Variants in RAD51B observed in about 807,000 individuals in gnomAD.
RAD51B encodes the protein DNA repair protein RAD51 homolog 2.
RAD51B carries 38 observed loss-of-function variants against 42.2 expected under a neutral mutation model. That is an observed-to-expected ratio of 0.90 (90% CI 0.70 to 1.18). The LOEUF (loss-of-function observed/expected upper bound fraction) is 1.18, where lower values mean the gene tolerates loss of function less well. RAD51B is among the 50% of genes most tolerant of loss of function. The pLI is 0.00. For missense variants in RAD51B, 373 were observed against 400.7 expected, an observed-to-expected ratio of 0.93 and a Z score of 0.59; for synonymous variants, 154 against 145.2, an observed-to-expected ratio of 1.06 and a Z score of -0.43.
chr14:68,021,277 G>T (rs1478014629), intron 7 of RAD51B, among the ~76,000 whole-genome samples: 2 of 152,196 alleles, frequency 1.3e-5, no homozygotes, highest in Non-Finnish European at 2.9e-5. Flanking sequence ...TGCCTCCTGA[G>T]AAATGATGCC....
intron 7 of RAD51B, among the ~76,000 whole-genome samples, chr14:67,937,876 T>C (rs1393607836): frequency 2.0e-5 from 3 of 152,212 alleles, no homozygotes; most frequent in Admixed American, 2.0e-4. Context: ...TCTGGCAAGT[T>C]ACAGGCACAG....
intron 10 of RAD51B, among the ~76,000 whole-genome samples, chr14:68,606,415 G>T (rs1290048083): frequency 6.6e-6 from 1 of 152,194 alleles, no homozygotes; most frequent in Admixed American, 6.5e-5. Flanking sequence ...TGTCCTTGAA[G>T]TTTTCTGGTT....
At chr14:68,409,121 A>G (rs1031238393) in intron 8 of RAD51B, among the ~76,000 whole-genome samples, 4 of 152,242 alleles carry the variant, frequency 2.6e-5, no homozygotes, top group African/African-American at 9.6e-5. Context: ...CTGTGAATAT[A>G]GAAAAAGCTG....
At chr14:68,266,018 C>G (rs1351680385) in intron 7 of RAD51B, among the ~76,000 whole-genome samples, 1 of 152,168 alleles carries the variant, frequency 6.6e-6, no homozygotes, top group African/African-American at 2.4e-5. Context: ...GATGGATGTT[C>G]CCATCAAATT....
intron 7 of RAD51B, among the ~76,000 whole-genome samples, chr14:68,282,198 G>A (rs1367013122): frequency 6.6e-6 from 1 of 152,102 alleles, no homozygotes; most frequent in Non-Finnish European, 1.5e-5. Context: ...GGCCAGGCTG[G>A]TCTTGAACTC....
At chr14:68,550,567 T>G (rs1469945214) in intron 10 of RAD51B, among the ~76,000 whole-genome samples, 1 of 152,270 alleles carries the variant, frequency 6.6e-6, no homozygotes, top group Admixed American at 6.5e-5. Flanking sequence ...GCATTTTGCC[T>G]GTTGGAATGT....
intron 10 of RAD51B, chr14:68,594,446 G>T: frequency 7.4e-7 from 1 of 1,357,542 alleles, no homozygotes; most frequent in African/African-American, 1.5e-5. Flanking sequence ...AGGCAAAAGG[G>T]CCTAGACTTT....
At chr14:68,147,212 T>C (rs1472754454) in intron 7 of RAD51B, among the ~76,000 whole-genome samples, 1 of 152,194 alleles carries the variant, frequency 6.6e-6, no homozygotes, top group Non-Finnish European at 1.5e-5. Context: ...ATAGTTGAAT[T>C]GGATGACACT....
At chr14:68,066,128 A>G (rs1045899699) in intron 7 of RAD51B, among the ~76,000 whole-genome samples, 1 of 152,096 alleles carries the variant, frequency 6.6e-6, no homozygotes, top group African/African-American at 2.4e-5. Context: ...TTATATTTAT[A>G]CAGTATAGTC....
chr14:68,086,242 C>G (rs1312010242), intron 7 of RAD51B, among the ~76,000 whole-genome samples: 1 of 152,186 alleles, frequency 6.6e-6, no homozygotes, highest in Non-Finnish European at 1.5e-5. Context: ...ACTGCCCCAG[C>G]CAAACTCCGC....
At chr14:67,963,980 A>G (rs554367084) in intron 7 of RAD51B, among the ~76,000 whole-genome samples, 1 of 152,106 alleles carries the variant, frequency 6.6e-6, no homozygotes, top group African/African-American at 2.4e-5. Flanking sequence ...ACCAAATTTA[A>G]GTTTTTAAAC....
rs75196096 is a variant in RAD51B at position 68,550,403 on chromosome 14, A to G, written c.1037-44082A>G. Among the ~76,000 whole-genome samples the G allele has an allele frequency of 9.7e-4, 148 of 152,330 alleles. 1 individual carries two copies. Among genetic ancestry groups the G allele is most frequent in the African/African-American group, 3.4e-3 (141 of 41,568 alleles). ...GCGAAACGTCATTGGTTTGGACCAA[A>G]TCCGGTTATGGTCTGAAGAACCTCA... On this transcript the variant is annotated intron_variant, in intron 10 of 10. Transcript: ENST00000487270.
At chr14:67,829,711 A>G (rs2040966788) in intron 3 of RAD51B, among the ~76,000 whole-genome samples, 1 of 152,118 alleles carries the variant, frequency 6.6e-6, no homozygotes, top group Non-Finnish European at 1.5e-5. Flanking sequence ...CTGAATGTCA[A>G]GCATGTATTA....
intron 7 of RAD51B, among the ~76,000 whole-genome samples, chr14:68,129,811 G>A (rs1275759497): frequency 6.6e-6 from 1 of 152,168 alleles, no homozygotes; most frequent in Non-Finnish European, 1.5e-5. Context: ...CCTATCCCCA[G>A]ATGCTTATGG....
chr14:68,566,290 A>G (rs775814002), intron 10 of RAD51B, among the ~76,000 whole-genome samples: 4 of 152,220 alleles, frequency 2.6e-5, no homozygotes, highest in Admixed American at 6.5e-5. Flanking sequence ...ACAAAACCCT[A>G]TCTTCAGCTC....
At chr14:68,320,480 G>A (rs961670985) in intron 8 of RAD51B, among the ~76,000 whole-genome samples, 2 of 152,220 alleles carry the variant, frequency 1.3e-5, no homozygotes, top group Non-Finnish European at 2.9e-5. Context: ...AGCTTACATA[G>A]GAGTCAAATG....
chr14:67,900,680 A>C (rs2043583878), intron 7 of RAD51B, among the ~76,000 whole-genome samples: 1 of 150,780 alleles, frequency 6.6e-6, no homozygotes, highest in South Asian at 2.1e-4. Flanking sequence ...TTACAGTTCT[A>C]AACTAAACTG....
intron 7 of RAD51B, among the ~76,000 whole-genome samples, chr14:68,048,813 A>T (rs2076344884): frequency 6.6e-6 from 1 of 152,180 alleles, no homozygotes; most frequent in South Asian, 2.1e-4. Context: ...TTCCTCAGGG[A>T]TCTAGAACTA....
intron 7 of RAD51B, among the ~76,000 whole-genome samples, chr14:68,044,385 T>C (rs2076265964): frequency 6.6e-6 from 1 of 152,122 alleles, no homozygotes; most frequent in Admixed American, 6.6e-5. Context: ...ACTGGGCCAG[T>C]GTTGATGATT....
Sources: gnomAD v4.1 joint callset for allele counts (sites outside exome capture counted in the v4.1 genomes callset) on GRCh38, gnomAD v4.1.1 for gene constraint, MANE v1.5 for transcripts, NCBI Gene and HGNC (gene_info 2026-07-23, HGNC 2026-07-21) for gene names.